The following EDIL3 variants were observed in gnomAD, a reference collection of about 807,000 sequenced individuals.
EDIL3 encodes EGF-like repeat and discoidin I-like domain-containing protein 3.
In EDIL3, 37 loss-of-function variants were observed where a neutral mutation model predicts 67.4. The observed-to-expected ratio is 0.55, with a 90% CI of 0.42 to 0.72. The LOEUF (loss-of-function observed/expected upper bound fraction) is 0.72, where lower values mean the gene tolerates loss of function less well. Ranked by LOEUF, EDIL3 falls within the 30% of genes least tolerant of loss-of-function variation. The pLI is 0.00. For synonymous variants in EDIL3, 195 were observed against 196.3 expected, an observed-to-expected ratio of 0.99 and a Z score of 0.05; for missense variants, 527 against 586.3, an observed-to-expected ratio of 0.90 and a Z score of 1.04.
At chr5:84,200,530 T>C (rs1743809353) in intron 3 of EDIL3, among the ~76,000 whole-genome samples, 1 of 152,070 alleles carries the variant, frequency 6.6e-6, no homozygotes, top group Non-Finnish European at 1.5e-5. Flanking sequence ...AATTATTACA[T>C]ATCTTAAGTG....
At chr5:84,272,393 C>T (rs188610267) in intron 1 of EDIL3, among the ~76,000 whole-genome samples, 22 of 152,008 alleles carry the variant, frequency 1.4e-4, no homozygotes, top group South Asian at 8.3e-4. Flanking sequence ...TAAAAATATA[C>T]GCTAAAGTCC....
chr5:83,995,390 C>G (rs540251427), intron 9 of EDIL3, among the ~76,000 whole-genome samples: 1 of 152,204 alleles, frequency 6.6e-6, no homozygotes, highest in South Asian at 2.1e-4. Flanking sequence ...TCTGTAATGT[C>G]CCCACATGGT....
At chr5:84,165,880 TG>T (rs534173195) in intron 4 of EDIL3, among the ~76,000 whole-genome samples, 62 of 152,294 alleles carry the variant, frequency 4.1e-4, no homozygotes, top group Non-Finnish European at 6.9e-4. Flanking sequence ...AACATGTATA[TG>T]TGCAAATGCA....
At chr5:84,317,708 A>G (rs921257314) in intron 1 of EDIL3, among the ~76,000 whole-genome samples, 5 of 152,230 alleles carry the variant, frequency 3.3e-5, no homozygotes, top group African/African-American at 1.2e-4. Flanking sequence ...CCAATATCAT[A>G]CTGAATGGGC....
At chr5:84,232,328 T>C (rs948483607) in intron 2 of EDIL3, among the ~76,000 whole-genome samples, 1 of 152,174 alleles carries the variant, frequency 6.6e-6, no homozygotes, top group Non-Finnish European at 1.5e-5. Context: ...CCATTTCCCT[T>C]ACAATCCAGG....
intron 9 of EDIL3, among the ~76,000 whole-genome samples, chr5:84,057,021 A>C (rs1746460743): frequency 6.6e-6 from 1 of 152,138 alleles, no homozygotes; most frequent in East Asian, 1.9e-4. Flanking sequence ...AAAAATAGTC[A>C]CAATTCTGGG....
intron 9 of EDIL3, among the ~76,000 whole-genome samples, chr5:83,969,881 T>C (rs1487545868): frequency 3.3e-5 from 5 of 151,996 alleles, no homozygotes; most frequent in East Asian, 1.9e-4. Context: ...ATTTCAAACA[T>C]TTATTATTTC....
At chr5:84,109,586 G>T (rs1747523379) in intron 5 of EDIL3, among the ~76,000 whole-genome samples, 1 of 151,968 alleles carries the variant, frequency 6.6e-6, no homozygotes, top group African/African-American at 2.4e-5. Flanking sequence ...TATATTATAG[G>T]GTTATATCTT....
chr5:84,123,476 T>G (rs1747813949), intron 5 of EDIL3, among the ~76,000 whole-genome samples: 1 of 151,976 alleles, frequency 6.6e-6, no homozygotes, highest in South Asian at 2.1e-4. Flanking sequence ...TTCTATCATA[T>G]TCACGTTAAT....
chr5:84,077,965 A>C (rs1311950770), intron 6 of EDIL3, among the ~76,000 whole-genome samples: 1 of 140,992 alleles, frequency 7.1e-6, no homozygotes, highest in African/African-American at 2.7e-5. Context: ...TTCACTATTA[A>C]AGAAATGCAA....
intron 4 of EDIL3, among the ~76,000 whole-genome samples, chr5:84,145,762 A>C (rs1018885481): frequency 2.6e-5 from 4 of 152,100 alleles, no homozygotes; most frequent in Admixed American, 2.6e-4. Context: ...GAGAGTGTCC[A>C]TGCAAATATT....
chr5:84,086,202 C>T (rs938273395), intron 6 of EDIL3, among the ~76,000 whole-genome samples: 1 of 152,114 alleles, frequency 6.6e-6, no homozygotes, highest in Non-Finnish European at 1.5e-5. Flanking sequence ...CCAGGCACCG[C>T]TAGGGTACAA....
At chr5:83,991,584 C>T (rs1178276091) in intron 9 of EDIL3, among the ~76,000 whole-genome samples, 1 of 152,152 alleles carries the variant, frequency 6.6e-6, no homozygotes, top group Non-Finnish European at 1.5e-5. Flanking sequence ...CCATTCATTG[C>T]AAATTAGTCT....
Position 84,267,459 on chromosome 5 carries a change from C to T in EDIL3, c.68-13247G>A, listed in dbSNP as rs78378070. ...AGTAATGGCAGACACATGATAGTAG[C>T]GCAGATACCAGAATAGACCAGCTTT... On this transcript the variant is annotated intron_variant, in intron 1 of 10. Transcript: ENST00000296591. Among the ~76,000 whole-genome samples, 998 of 152,228 alleles carry T rather than the reference C, an allele frequency of 6.6e-3. 12 individuals are homozygous for T. The highest frequency in any genetic ancestry group is 0.023 in the African/African-American group (946 of 41,548).
At chr5:83,984,365 A>C (rs540733306) in intron 9 of EDIL3, among the ~76,000 whole-genome samples, 5 of 152,276 alleles carry the variant, frequency 3.3e-5, no homozygotes, top group African/African-American at 1.2e-4. Flanking sequence ...CATAGAGCAG[A>C]GACCTGGGCA....
chr5:84,380,214 A>G (rs989954620), intron 1 of EDIL3, among the ~76,000 whole-genome samples: 6 of 152,112 alleles, frequency 3.9e-5, no homozygotes, highest in Non-Finnish European at 8.8e-5. Flanking sequence ...AAAATAAAAA[A>G]ATCATTTTAG....
At position 83,977,941 on chromosome 5, in the gene EDIL3, G is replaced by A. The variant is rs576720194; in HGVS notation, c.1138-14581C>T. Among the ~76,000 whole-genome samples, 4 of 151,822 alleles carry A rather than the reference G, an allele frequency of 2.6e-5. No individual in the cohort carries two copies. The South Asian group carries it at 8.3e-4, about 32-fold the overall frequency. The stretch of plus-strand genomic sequence containing the variant: ...AAATTAAATGCAGGGTGAAATTCTG[G>A]AAGAATCTCCTTCAAATCAGATAGC... On this transcript the variant is annotated intron_variant, in intron 9 of 10. Coordinates refer to ENST00000296591, the MANE Select transcript of EDIL3 (RefSeq NM_005711.5).
chr5:84,150,593 C>T (rs192862344), intron 4 of EDIL3, among the ~76,000 whole-genome samples: 4 of 152,260 alleles, frequency 2.6e-5, no homozygotes, highest in Admixed American at 2.0e-4. Context: ...TAAGATGTCA[C>T]TACCCAACGA....
chr5:84,124,751 T>C (rs1360272710), intron 5 of EDIL3, among the ~76,000 whole-genome samples: 1 of 151,960 alleles, frequency 6.6e-6, no homozygotes, highest in Non-Finnish European at 1.5e-5. Context: ...GTTAATAGCT[T>C]TGTGGGAACT....
Sources: allele counts gnomAD v4.1 joint callset (sites outside exome capture counted in the v4.1 genomes callset), GRCh38; gene constraint gnomAD v4.1.1; transcripts MANE v1.5; gene names NCBI Gene and HGNC (gene_info 2026-07-23, HGNC 2026-07-21).